Variants in OFD1 observed in about 807,000 individuals in gnomAD.
OFD1 encodes OFD1 centriole and centriolar satellite protein.
Under a neutral mutation model 81.4 loss-of-function variants are expected in OFD1, and 12 were observed. The ratio of observed to expected loss-of-function variants is 0.15; its 90% CI spans 0.09 to 0.24. The LOEUF is 0.24. OFD1 is among the 10% of genes least tolerant of loss of function. OFD1 has a pLI of 1.00. For synonymous variants in OFD1, 256 were observed against 263.7 expected (o/e 0.97, Z 0.28); for missense variants, 685 against 733.9 (o/e 0.93, Z 0.77).
chrX:13,757,586 G>GT (rs1288365980), intron 13 of OFD1, 74 bp from the exon 14 acceptor site: 4 of 1,096,878 alleles, frequency 3.6e-6, no homozygotes, highest in Non-Finnish European at 4.9e-6. Flanking sequence ...CCCTTTAACT[G>GT]TTTTTGTTAA....
chrX:13,770,707 A>T, downstream of OFD1, among the ~76,000 whole-genome samples: 1 of 112,394 alleles, frequency 8.9e-6, no homozygotes, highest in Non-Finnish European at 1.9e-5. Flanking sequence ...AAAAATTCTT[A>T]CTTTATAGAG....
At chrX:13,721,038 A>C in the OFD1 span, 2 of 110,142 alleles carry the variant, frequency 1.8e-5, no homozygotes, top group African/African-American at 6.6e-5. Flanking sequence ...AAAAAAAAAA[A>C]AAAACAGATT....
intron 7 of OFD1, 29 bp downstream of exon 7, chrX:13,746,484 G>T (rs312262805): frequency 8.3e-7 from 1 of 1,198,175 alleles, no homozygotes; most frequent in African/African-American, 1.8e-5. Flanking sequence ...CTGTAAACAA[G>T]AGTGATGTTT....
In OFD1 at chrX:13,758,164, T is replaced by C. The variant is rs774306174; in HGVS notation, c.1543-173T>C. On this transcript the variant is annotated intron_variant, in intron 14 of 22. Coordinates refer to ENST00000340096, the MANE Select transcript of OFD1 (RefSeq NM_003611.3). ...CTGAAAAAGATGGTGAAGAACTTGT[T>C]TGTGTGTTCTGCTTGTGTTTTTTTT... Among the ~76,000 whole-genome samples the C allele has an allele frequency of 5.4e-5, 6 of 110,897 alleles. No individual in the cohort carries two copies. In the South Asian group the frequency reaches 2.3e-3, roughly 42 times the overall value.
At chrX:13,751,684 A>C (rs1257271240) in intron 10 of OFD1, among the ~76,000 whole-genome samples, 1 of 111,333 alleles carries the variant, frequency 9.0e-6, no homozygotes, top group African/African-American at 3.3e-5. Flanking sequence ...AAATACAAAA[A>C]TTAGCTGGGT....
intron 1 of OFD1, 41 bp from the exon 2 acceptor site, chrX:13,735,207 C>T (rs760445781): frequency 8.4e-7 from 1 of 1,196,907 alleles, no homozygotes; most frequent in African/African-American, 1.7e-5. Flanking sequence ...GTTCACGTTC[C>T]CTCTGCCCCG....
intron 12 of OFD1, 136 bp downstream of exon 12, chrX:13,755,378 A>G (rs2047662247): frequency 4.1e-6 from 2 of 489,061 alleles, no homozygotes; most frequent in Non-Finnish European, 7.2e-6. Context: ...TGTTAGCTGA[A>G]GTTAATTCAA....
the OFD1 span, among the ~76,000 whole-genome samples, chrX:13,718,002 T>C: frequency 8.9e-6 from 1 of 112,235 alleles, no homozygotes; most frequent in Non-Finnish European, 1.9e-5. Flanking sequence ...ACTGGAGTTA[T>C]GCTGCCACAA....
At chrX:13,732,177 CT>C (rs2046689786), upstream of OFD1, among the ~76,000 whole-genome samples, 2 of 111,702 alleles carry the variant, frequency 1.8e-5, no homozygotes, top group African/African-American at 3.3e-5. Flanking sequence ...ATATTATCAT[CT>C]TTGGGGAAGG....
At chrX:13,771,487 T>A (rs1422995403), downstream of OFD1, 1 of 112,344 alleles carries the variant, frequency 8.9e-6, no homozygotes, top group African/African-American at 3.2e-5. Flanking sequence ...AATAGCATCT[T>A]GATAAAGGTA....
upstream of OFD1, among the ~76,000 whole-genome samples, chrX:13,732,071 AAG>A (rs1240260378): frequency 2.7e-5 from 3 of 112,249 alleles, no homozygotes; most frequent in East Asian, 8.3e-4. Flanking sequence ...CAAGCTCAGT[AAG>A]AGGCAAAAGT....
At chrX:13,742,286 C>G (rs2047135340) in intron 5 of OFD1, among the ~76,000 whole-genome samples, 1 of 110,740 alleles carries the variant, frequency 9.0e-6, no homozygotes, top group South Asian at 3.7e-4. Context: ...TTCATATGCG[C>G]AAAAATGAAC....
At chrX:13,715,940 C>A in the OFD1 span, 2 of 1,121,261 alleles carry the variant, frequency 1.8e-6, no homozygotes, top group Non-Finnish European at 2.4e-6. Context: ...TTCAATAGGC[C>A]AGTTTCCTGA....
rs762266211 is a variant in OFD1 at position 13,760,606 on chromosome X, G to T, written c.2146G>T (p.Ala716Ser). 1.7e-6 allele frequency: 2 copies of T among 1,210,625 alleles called. No homozygotes were observed. The highest frequency in any genetic ancestry group is 3.5e-5 in the South Asian group (2 of 56,785). ...TGAAGAAAGGAATGACGTCGTGGAAGCACTGACAGGCAGTGCAGCCTCGAG... is the reference window on the plus strand; with the variant it reads ...TGAAGAAAGGAATGACGTCGTGGAATCACTGACAGGCAGTGCAGCCTCGAG... The part of the protein sequence containing the change: ...TLEERNDVVE[A>S]LTGSAASRLR... The change falls in exon 16 of 23, where the codon GCA becomes TCA. Residue 716 changes from alanine (A) to serine (S), a missense_variant. This residue lies in a region of OFD1 where 259 missense variants were observed against 254.4 expected (regional missense o/e 1.02). Coordinates refer to ENST00000340096, the MANE Select transcript of OFD1 (RefSeq NM_003611.3).
chrX:13,765,912 A>G (rs2048107904), intron 19 of OFD1, among the ~76,000 whole-genome samples: 1 of 112,191 alleles, frequency 8.9e-6, no homozygotes, highest in Non-Finnish European at 1.9e-5. Context: ...TGGAGTGGTT[A>G]GTTGTCACTT....
intron 16 of OFD1, 95 bp downstream of exon 16, chrX:13,760,815 G>A (rs2047900242): frequency 1.9e-6 from 2 of 1,073,800 alleles, no homozygotes; most frequent in Middle Eastern, 2.5e-4. Context: ...GCGGGCCAGA[G>A]TGGCAAGGTC....
intron 8 of OFD1, 136 bp from the exon 9 acceptor site, chrX:13,749,291 C>T (rs2047416160): frequency 3.0e-5 from 14 of 472,219 alleles, no homozygotes; most frequent in East Asian, 2.3e-4. Context: ...TACCTTGAGT[C>T]GGAATCTCTT....
chrX:13,751,335 C>T lies in OFD1; in HGVS notation c.1022C>T (p.Thr341Ile), dbSNP rs750628147. 2.5e-6 allele frequency: 3 copies of T among 1,201,190 alleles called. No individual in the cohort carries two copies. The highest frequency in any genetic ancestry group is 3.4e-6 in the Non-Finnish European group (3 of 887,122). The change falls in exon 10 of 23, where the codon ACC (threonine) becomes ATC (isoleucine). Residue 341 changes from threonine to isoleucine, a missense_variant. Coordinates refer to ENST00000340096, the MANE Select transcript of OFD1 (RefSeq NM_003611.3). ...QEQNIKSFEE[T>I]YDRKLKNELL... is the part of the protein sequence containing the mutation. ...CAGAATATAAAGAGTTTTGAGGAGA[C>T]CTATGACCGAAAGCTCAAGAATGAA...
the OFD1 span, among the ~76,000 whole-genome samples, chrX:13,727,081 A>G: frequency 8.9e-6 from 1 of 112,237 alleles, no homozygotes; most frequent in East Asian, 2.8e-4. Flanking sequence ...TATGCACCCA[A>G]TACAGGAGCA....
Sources: allele counts gnomAD v4.1 joint callset (sites outside exome capture counted in the v4.1 genomes callset), GRCh38; gene constraint gnomAD v4.1.1; regional missense constraint gnomAD v4.1.1; transcripts MANE v1.5; gene names NCBI Gene and HGNC (gene_info 2026-07-23, HGNC 2026-07-21).